The following IL18R1 variants were observed in gnomAD, a reference collection of about 807,000 sequenced individuals.
The protein encoded by IL18R1 is interleukin-18 receptor 1.
In IL18R1, 40 loss-of-function variants were observed where a neutral mutation model predicts 48.5. The ratio of observed to expected loss-of-function variants is 0.82; its 90% confidence interval spans 0.64 to 1.07. The LOEUF (loss-of-function observed/expected upper bound fraction) is 1.07. IL18R1 is among the 50% of genes least tolerant of loss of function. The pLI is 0.00. For missense variants in IL18R1, 596 were observed against 633.7 expected (o/e 0.94, Z 0.64); for synonymous variants, 232 against 225.9 (o/e 1.03, Z -0.24).
At position 102,381,648 on chromosome 2, in the gene IL18R1, T is replaced by C. The variant is rs1052210501; in HGVS notation, c.654T>C (p.Leu218=). 1 of 1,613,322 alleles carries C rather than the reference T, an allele frequency of 6.2e-7. No homozygotes were observed. Among genetic ancestry groups the C allele is most frequent in the African/African-American group, 1.3e-5 (1 of 75,048 alleles). ...GCAGTAATATAGTTCCGGTTCTTCT[T>C]GGACCAAAGCTTAACCATGTTGCAG... ...EDRSNIVPVL[L]GPKLNHVAVE... The change falls in exon 6 of 11, where the codon CTT becomes CTC. Residue 218 remains leucine (L), a synonymous_variant. Coordinates refer to ENST00000233957, the MANE Select transcript of IL18R1 (RefSeq NM_003855.5).
intron 5 of IL18R1, among the ~76,000 whole-genome samples, 160 bp from the exon 6 acceptor site, chr2:102,381,460 C>T (rs1679912440): frequency 6.6e-6 from 1 of 152,178 alleles, no homozygotes; most frequent in Admixed American, 6.5e-5. Flanking sequence ...GTGCTTTCAA[C>T]ATCTGTGACC....
rs1573238476 is a variant in IL18R1 at position 102,396,912 on chromosome 2, A to G, written c.*26A>G. 1 of 1,397,270 alleles carries G rather than the reference A, an allele frequency of 7.2e-7. No homozygotes were observed. Among genetic ancestry groups the G allele is most frequent in the South Asian group, 1.3e-5 (1 of 75,354 alleles). The allele number at this position is 1,397,270 out of a possible 1,614,324, so 86.6% of individuals were successfully genotyped here. On this transcript the variant is annotated 3_prime_UTR_variant, in exon 11 of 11. Transcript: ENST00000233957. ...TCTTCAGAAACAGTGAACGCCAAAA[A>G]GAACTCAAGATATTCTGGGGACTGA...
At chr2:102,387,861 A>T (rs1182809663) in intron 8 of IL18R1, among the ~76,000 whole-genome samples, 3 of 152,124 alleles carry the variant, frequency 2.0e-5, no homozygotes, top group African/African-American at 7.2e-5. Flanking sequence ...CTCTAGAGAG[A>T]TGAAGACAGA....
At chr2:102,385,680 C>A (rs1032605552) in intron 7 of IL18R1, among the ~76,000 whole-genome samples, 1 of 152,184 alleles carries the variant, frequency 6.6e-6, no homozygotes, top group African/African-American at 2.4e-5. Flanking sequence ...GCTCTACATT[C>A]TTGCTGACAC....
At chr2:102,377,154 A>G (rs1679636857) in intron 5 of IL18R1, among the ~76,000 whole-genome samples, 1 of 152,200 alleles carries the variant, frequency 6.6e-6, no homozygotes, top group Non-Finnish European at 1.5e-5. Context: ...TGCTTTAGCA[A>G]CATCTTTCTT....
chr2:102,381,672 A>C lies in IL18R1; in HGVS notation c.678A>C (p.Ala226=). The C allele has an allele frequency of 6.2e-7, 1 of 1,609,362 alleles. No individual in the cohort carries two copies. The highest frequency in any genetic ancestry group is 8.5e-7 in the Non-Finnish European group (1 of 1,175,704). Residue 226 remains alanine (A), a synonymous_variant, in exon 6 of 11, where the codon GCA becomes GCC. Coordinates refer to ENST00000233957, the MANE Select transcript of IL18R1 (RefSeq NM_003855.5). ...VLLGPKLNHV[A]VELGKNVRLN... is the part of the protein sequence containing the mutation. ...TTGGACCAAAGCTTAACCATGTTGC[A>C]GTGGAATTAGGTATATTTCAATATA...
rs1427530568 is a variant in IL18R1, at chr2:102,381,749, AAT to A, written c.688+70_688+71del. 6 of 1,003,086 alleles carry A rather than the reference AAT, an allele frequency of 6.0e-6. No homozygotes were observed. The African/African-American group carries it at 8.0e-5, about 13-fold the overall frequency. 62.1% of individuals were successfully genotyped at this position (1,003,086 alleles called of 1,614,324 possible). A position where few individuals can be genotyped will look rare whatever the true frequency, so the allele number is the denominator to read the frequency against. ...GACATAATAGAGCCTTCCAAGCGTA[AAT>A]ATGATTCATTATTGAATGACACTGG... is the stretch of plus-strand genomic sequence containing the variant. On this transcript the variant is annotated intron_variant, in intron 6 of 10. Transcript: ENST00000233957.
At chr2:102,375,680 C>T (rs1435314048) in intron 4 of IL18R1, among the ~76,000 whole-genome samples, 2 of 152,168 alleles carry the variant, frequency 1.3e-5, no homozygotes, top group East Asian at 1.9e-4. Context: ...GCCCCATGCT[C>T]TACTTCCCAG....
chr2:102,380,282 T>C (rs144607947), intron 5 of IL18R1, among the ~76,000 whole-genome samples: 5 of 152,154 alleles, frequency 3.3e-5, no homozygotes, highest in African/African-American at 1.2e-4. Flanking sequence ...ATGATATAAT[T>C]TGAGTGTTAG....
intron 1 of IL18R1, among the ~76,000 whole-genome samples, chr2:102,357,882 G>A (rs1441345508): frequency 3.4e-5 from 5 of 146,374 alleles, no homozygotes; most frequent in African/African-American, 8.0e-5. Flanking sequence ...GAGTTTAAGC[G>A]TGTGTGTGTG....
chr2:102,370,755 G>A (rs1326357610), intron 3 of IL18R1, among the ~76,000 whole-genome samples: 2 of 152,180 alleles, frequency 1.3e-5, no homozygotes, highest in East Asian at 3.9e-4. Context: ...CTGAGCCTAA[G>A]GAAAATAGTC....
chr2:102,360,125 A>C (rs1678486626), intron 1 of IL18R1, among the ~76,000 whole-genome samples: 1 of 152,248 alleles, frequency 6.6e-6, no homozygotes, highest in African/African-American at 2.4e-5. Flanking sequence ...TTATCTCATA[A>C]TACATCTGGT....
At chr2:102,390,304 G>A in intron 9 of IL18R1, 87 bp downstream of exon 9, 1 of 1,221,296 alleles carries the variant, frequency 8.2e-7, no homozygotes, top group Non-Finnish European at 1.2e-6. Context: ...TTATTGTGAT[G>A]ATATTGTAGA....
intron 6 of IL18R1, among the ~76,000 whole-genome samples, chr2:102,382,243 G>A (rs1250465534): frequency 6.6e-6 from 1 of 152,150 alleles, no homozygotes; most frequent in Non-Finnish European, 1.5e-5. Flanking sequence ...CTGCACTCCA[G>A]CCTGGGCAAC....
At chr2:102,373,082 GA>G (rs1559623171) in intron 4 of IL18R1, among the ~76,000 whole-genome samples, 3 of 152,068 alleles carry the variant, frequency 2.0e-5, no homozygotes, top group South Asian at 2.1e-4. Context: ...AATTTGATAT[GA>G]AAAATTTCTA....
At chr2:102,384,826 T>A in intron 6 of IL18R1, 52 bp from the exon 7 acceptor site, 2 of 1,596,218 alleles carry the variant, frequency 1.3e-6, no homozygotes, top group Non-Finnish European at 1.7e-6. Flanking sequence ...TTTGAAACTT[T>A]TAAGAAACCT....
At chr2:102,374,401 C>T (rs780495023) in intron 4 of IL18R1, among the ~76,000 whole-genome samples, 2 of 152,224 alleles carry the variant, frequency 1.3e-5, no homozygotes, top group Non-Finnish European at 2.9e-5. Context: ...TCGAATCAGT[C>T]CTGAGTTGAC....
At chr2:102,371,666 T>C (rs915014941) in intron 3 of IL18R1, among the ~76,000 whole-genome samples, 4 of 152,132 alleles carry the variant, frequency 2.6e-5, no homozygotes, top group Non-Finnish European at 4.4e-5. Context: ...CTGACATCCA[T>C]AATATATTGT....
At chr2:102,374,447 C>T (rs1354899671) in intron 4 of IL18R1, among the ~76,000 whole-genome samples, 1 of 152,084 alleles carries the variant, frequency 6.6e-6, no homozygotes, top group African/African-American at 2.4e-5. Context: ...AAATGTGTTA[C>T]AGTATATGTA....
Sources: allele counts gnomAD v4.1 joint callset (sites outside exome capture counted in the v4.1 genomes callset), GRCh38; gene constraint gnomAD v4.1.1; transcripts MANE v1.5; gene names NCBI Gene and HGNC (gene_info 2026-07-23, HGNC 2026-07-21).